Variants in TAFA2 observed in about 807,000 individuals in gnomAD.
The protein encoded by TAFA2 is TAFA chemokine like family member 2.
Under a neutral mutation model 18.8 loss-of-function variants are expected in TAFA2, and 7 were observed. The ratio of observed to expected loss-of-function variants is 0.37; its 90% CI spans 0.21 to 0.70. TAFA2 has a LOEUF of 0.70. Among genes scored for constraint, TAFA2 ranks in the 30% least tolerant of loss-of-function variants. The pLI, the probability that TAFA2 is intolerant of heterozygous loss-of-function variation, is 0.53. For synonymous variants in TAFA2, 60 were observed against 54.2 expected (o/e 1.11, Z -0.47); for missense variants, 122 against 158.1 (o/e 0.77, Z 1.23).
chr12:61,942,107 A>G (rs1878052928), intron 1 of TAFA2, among the ~76,000 whole-genome samples: 1 of 151,238 alleles, frequency 6.6e-6, no homozygotes, highest in African/African-American at 2.5e-5. Context: ...TGGAGATCTG[A>G]GAACGGGCAG....
intron 1 of TAFA2, among the ~76,000 whole-genome samples, chr12:62,015,576 C>G (rs1458612904): frequency 6.6e-6 from 1 of 152,084 alleles, no homozygotes; most frequent in Non-Finnish European, 1.5e-5. Flanking sequence ...AAACAATGTA[C>G]CAGACACTGA....
intron 1 of TAFA2, among the ~76,000 whole-genome samples, chr12:62,125,576 T>C (rs566072015): frequency 3.1e-4 from 47 of 152,284 alleles, no homozygotes; most frequent in African/African-American, 1.1e-3. Flanking sequence ...AAATGCTCAC[T>C]GAACCTGTTA....
intron 1 of TAFA2, among the ~76,000 whole-genome samples, chr12:62,172,750 A>G (rs2062486783): frequency 6.6e-6 from 1 of 152,210 alleles, no homozygotes; most frequent in African/African-American, 2.4e-5. Flanking sequence ...AGCTAAAGGA[A>G]CACGCAAAAT....
intron 1 of TAFA2, among the ~76,000 whole-genome samples, chr12:61,939,615 G>C (rs930583501): frequency 1.3e-5 from 2 of 152,098 alleles, no homozygotes; most frequent in African/African-American, 4.8e-5. Flanking sequence ...TACAGTCTCT[G>C]TCTACTTCAT....
At chr12:62,076,712 T>C (rs1868250329) in intron 1 of TAFA2, among the ~76,000 whole-genome samples, 1 of 152,182 alleles carries the variant, frequency 6.6e-6, no homozygotes, top group Non-Finnish European at 1.5e-5. Context: ...CACTAAATAC[T>C]TTCTTCCACA....
At chr12:62,157,774 C>T (rs1357736494) in intron 1 of TAFA2, among the ~76,000 whole-genome samples, 1 of 152,188 alleles carries the variant, frequency 6.6e-6, no homozygotes, top group Non-Finnish European at 1.5e-5. Flanking sequence ...CCTCCATCCC[C>T]CTGCTTTTAT....
chr12:61,859,710 G>A (rs1874047865), intron 2 of TAFA2, among the ~76,000 whole-genome samples: 1 of 152,104 alleles, frequency 6.6e-6, no homozygotes, highest in Admixed American at 6.5e-5. Context: ...CCAAAGTGCT[G>A]GGATTACAGG....
intron 4 of TAFA2, among the ~76,000 whole-genome samples, chr12:61,735,034 T>C (rs1193938687): frequency 2.0e-5 from 3 of 152,048 alleles, no homozygotes; most frequent in Non-Finnish European, 4.4e-5. Context: ...TGGAGTTGTT[T>C]GGCCATAGTG....
intron 1 of TAFA2, among the ~76,000 whole-genome samples, chr12:61,916,197 A>G (rs1876814464): frequency 6.6e-6 from 1 of 152,196 alleles, no homozygotes. Flanking sequence ...AAACAAAATT[A>G]AGAAGAGAAT....
At chr12:61,841,500 T>A (rs1873178539) in intron 2 of TAFA2, among the ~76,000 whole-genome samples, 2 of 152,136 alleles carry the variant, frequency 1.3e-5, no homozygotes, top group African/African-American at 4.8e-5. Context: ...TCTATTGGTC[T>A]ATACGTCTGT....
At chr12:61,959,141 G>T (rs531190194) in intron 1 of TAFA2, among the ~76,000 whole-genome samples, 6 of 151,632 alleles carry the variant, frequency 4.0e-5, no homozygotes, top group Admixed American at 1.3e-4. Flanking sequence ...CATCCTTCTT[G>T]CATTTTTATT....
At chr12:62,056,655 G>T (rs348636) in intron 1 of TAFA2, among the ~76,000 whole-genome samples, 34,513 of 152,030 alleles carry the variant, frequency 0.23, 4,041 homozygotes, top group Admixed American at 0.26. Context: ...TGGACACTTG[G>T]GTCTGCTCTG....
In TAFA2 at chr12:62,048,112, C is replaced by T. The variant is rs138605488; in HGVS notation, c.-2+143147G>A. 1.4e-4 allele frequency among the ~76,000 whole-genome samples: 21 copies of T among 152,312 alleles called. 1 individual carries two copies. The East Asian group carries it at 2.5e-3, about 18-fold the overall frequency. On this transcript the variant is annotated intron_variant, in intron 1 of 4. Transcript: ENST00000416284. ...TTGAATAGTTTTGATAACAGCAACA[C>T]AAGACAATATTTGTATTAGTCTGTT...
rs544337822 is a variant in TAFA2, at chr12:61,931,305, A to C, written c.-1-63879T>G. 9.2e-5 allele frequency among the ~76,000 whole-genome samples: 14 copies of C among 152,294 alleles called. No individual in the cohort carries two copies. In the East Asian group the frequency reaches 2.5e-3, roughly 27 times the overall value. On this transcript the variant is annotated intron_variant, in intron 1 of 4. Coordinates refer to ENST00000416284, the MANE Select transcript of TAFA2 (RefSeq NM_178539.5). ...GCTGTATGCTTATATTAGATTGGAA[A>C]TCTCAGGTACCTTGGTTCATATGAC...
intron 1 of TAFA2, among the ~76,000 whole-genome samples, chr12:61,894,866 G>C (rs1189167299): frequency 1.3e-5 from 2 of 152,134 alleles, no homozygotes; most frequent in Non-Finnish European, 2.9e-5. Flanking sequence ...ATAAAATATG[G>C]ATGCAGAAAA....
At chr12:61,988,718 C>A (rs1184880392) in intron 1 of TAFA2, among the ~76,000 whole-genome samples, 3 of 152,080 alleles carry the variant, frequency 2.0e-5, no homozygotes, top group African/African-American at 7.2e-5. Context: ...GCAACTTGGC[C>A]CAACAACGGA....
chr12:61,981,006 C>A (rs1321976512), intron 1 of TAFA2, among the ~76,000 whole-genome samples: 2 of 152,088 alleles, frequency 1.3e-5, no homozygotes, highest in East Asian at 1.9e-4. Flanking sequence ...CCAAGACAAA[C>A]CTAAGCAAAA....
rs1233409890 is a variant in TAFA2, at chr12:61,709,223, G to C, written c.*1183C>G. 2 of 152,262 alleles carry C rather than the reference G, an allele frequency of 1.3e-5. No homozygotes were observed. Among genetic ancestry groups the C allele is most frequent in the Non-Finnish European group, 2.9e-5 (2 of 67,938 alleles). 9.4% of individuals were successfully genotyped at this position (152,262 alleles called of 1,614,324 possible). Reference sequence around the variant, plus strand: ...TTTAAATATTTATGACTTTCCTGTAGAACCAAAACCATAAACGTTAAAATC... The same window carrying C: ...TTTAAATATTTATGACTTTCCTGTACAACCAAAACCATAAACGTTAAAATC... On this transcript the variant is annotated 3_prime_UTR_variant, in exon 5 of 5. Coordinates refer to ENST00000416284, the MANE Select transcript of TAFA2 (RefSeq NM_178539.5).
rs937468149 is a variant in TAFA2 at position 62,027,605 on chromosome 12, G to C, written c.-1-160179C>G. 2.3e-4 allele frequency among the ~76,000 whole-genome samples: 35 copies of C among 152,158 alleles called. 1 individual carries two copies. Among genetic ancestry groups the C allele is most frequent in the South Asian group, 1.7e-3 (8 of 4,824 alleles). ...GCACAGAACATCAAAGTTGTCCTACGATACACAGAGTAAGTTGTACCCCCT... is the reference window on the plus strand; with the variant it reads ...GCACAGAACATCAAAGTTGTCCTACCATACACAGAGTAAGTTGTACCCCCT... On this transcript the variant is annotated intron_variant, in intron 1 of 4. Coordinates refer to ENST00000416284, the MANE Select transcript of TAFA2 (RefSeq NM_178539.5).
Sources: allele counts gnomAD v4.1 joint callset (sites outside exome capture counted in the v4.1 genomes callset), GRCh38; gene constraint gnomAD v4.1.1; transcripts MANE v1.5; gene names NCBI Gene and HGNC (gene_info 2026-07-23, HGNC 2026-07-21).